Variants in PRKG1 observed in about 807,000 individuals in gnomAD.
PRKG1 encodes the protein protein kinase cGMP-dependent 1, also known as cGMP-dependent protein kinase 1.
A neutral mutation model predicts 88.1 loss-of-function variants in PRKG1; 35 were observed. The ratio of observed to expected loss-of-function variants is 0.40; its 90% CI spans 0.30 to 0.53. The LOEUF is 0.53. Ranked by LOEUF, PRKG1 falls within the 20% of genes least tolerant of loss-of-function variation. The pLI is 0.59. For synonymous variants in PRKG1, 303 were observed against 292.5 expected, an observed-to-expected ratio of 1.04 and a Z score of -0.37; for missense variants, 540 against 839.8, an observed-to-expected ratio of 0.64 and a Z score of 4.41.
chr10:51,092,963 C>T (rs1844434428), intron 1 of PRKG1, among the ~76,000 whole-genome samples: 1 of 152,098 alleles, frequency 6.6e-6, no homozygotes, highest in African/African-American at 2.4e-5. Flanking sequence ...CCTATGTATA[C>T]ACATAAACAA....
intron 9 of PRKG1, among the ~76,000 whole-genome samples, chr10:52,220,965 G>A (rs2132824023): frequency 6.6e-6 from 1 of 152,008 alleles, no homozygotes; most frequent in Admixed American, 6.6e-5. Flanking sequence ...AGGTGTTTGA[G>A]GAATCACCAC....
At chr10:51,266,998 A>T (rs1210544703) in intron 2 of PRKG1, among the ~76,000 whole-genome samples, 1 of 152,206 alleles carries the variant, frequency 6.6e-6, no homozygotes, top group Admixed American at 6.6e-5. Context: ...TGAGCTAAAA[A>T]CTGATATGGA....
At chr10:52,037,487 G>A (rs1181289240) in intron 5 of PRKG1, among the ~76,000 whole-genome samples, 5 of 152,250 alleles carry the variant, frequency 3.3e-5, no homozygotes, top group Admixed American at 6.5e-5. Flanking sequence ...AGAATAAGAC[G>A]GCCTTTTGAC....
chr10:51,222,122 G>GCCCCCCCCCCCCCCCCCACC (rs747668688), intron 2 of PRKG1, among the ~76,000 whole-genome samples: 1 of 114,416 alleles, frequency 8.7e-6, no homozygotes, highest in African/African-American at 4.8e-5. Context: ...CGTGATCCGC[G>GCCCCCCCCCCCCCCCCCACC]CCCCCCCCCG....
intron 5 of PRKG1, among the ~76,000 whole-genome samples, chr10:51,990,851 A>C (rs1264069276): frequency 6.8e-6 from 1 of 146,266 alleles, no homozygotes; most frequent in Admixed American, 6.9e-5. Context: ...TTTGCAAGGC[A>C]TGATGGTCTC....
At chr10:52,038,194 A>G (rs936318515) in intron 5 of PRKG1, among the ~76,000 whole-genome samples, 9 of 152,010 alleles carry the variant, frequency 5.9e-5, no homozygotes, top group African/African-American at 1.7e-4. Flanking sequence ...GTTTTTGAGA[A>G]CACAGGCCAA....
chr10:51,061,060 G>GGTGTGTGTGT (rs71029344), intron 1 of PRKG1, among the ~76,000 whole-genome samples: 5,891 of 146,974 alleles, frequency 0.04, 141 homozygotes, highest in Non-Finnish European at 0.045. Context: ...TATACCTAGG[G>GGTGTGTGTGT]GTGTGTGTGT....
intron 12 of PRKG1, among the ~76,000 whole-genome samples, chr10:52,272,735 T>C (rs182872559): frequency 4.9e-4 from 75 of 152,082 alleles, no homozygotes; most frequent in South Asian, 8.3e-4. Context: ...AATATATACA[T>C]GGCCTTAGTT....
chr10:51,636,137 T>A (rs559215006), intron 3 of PRKG1, among the ~76,000 whole-genome samples: 2 of 152,210 alleles, frequency 1.3e-5, no homozygotes, highest in Non-Finnish European at 2.9e-5. Context: ...CTTTAAGTTT[T>A]TTTTAGAAGT....
Position 52,157,029 on chromosome 10 carries a change from T to C in PRKG1, c.1002-4860T>C, listed in dbSNP as rs1430000218. Among the ~76,000 whole-genome samples the C allele has an allele frequency of 2.0e-5, 3 of 151,686 alleles. No individual in the cohort carries two copies. The East Asian group carries it at 5.8e-4, about 29-fold the overall frequency. On this transcript the variant is annotated intron_variant, in intron 8 of 17. Transcript: ENST00000373980. Reference sequence around the variant, plus strand: ...TTTACCTTTTACACTTTTTGACTTATAACATTTCACTATTAAATGTAAAAA... The same window carrying C: ...TTTACCTTTTACACTTTTTGACTTACAACATTTCACTATTAAATGTAAAAA...
intron 8 of PRKG1, among the ~76,000 whole-genome samples, chr10:52,158,797 A>G (rs973815366): frequency 6.6e-6 from 1 of 151,494 alleles, no homozygotes; most frequent in African/African-American, 2.4e-5. Flanking sequence ...TCCAAATGCC[A>G]AGATTATAGT....
Position 51,737,741 on chromosome 10 carries a change from A to T in PRKG1, c.593-66844A>T, listed in dbSNP as rs910813835. On this transcript the variant is annotated intron_variant, in intron 3 of 17. Coordinates refer to ENST00000373980, the MANE Select transcript of PRKG1 (RefSeq NM_006258.4). ...TATTTATTTATTTATTTATTTATTA[A>T]TTATTATTATTATTATTATTATTAT... Among the ~76,000 whole-genome samples the T allele has an allele frequency of 8.6e-4, 80 of 93,238 alleles. No homozygotes were observed. The East Asian group carries it at 0.011, about 13-fold the overall frequency. The allele number at this position is 93,238 out of a possible 152,430, so 61.2% of individuals were successfully genotyped here.
chr10:52,148,958 T>C lies in PRKG1; in HGVS notation c.1002-12931T>C, dbSNP rs1253128054. 1.0e-4 allele frequency among the ~76,000 whole-genome samples: 4 copies of C among 39,254 alleles called. No individual in the cohort carries two copies. In the South Asian group the frequency reaches 3.0e-3, roughly 29 times the overall value. 25.8% of individuals were successfully genotyped at this position (39,254 alleles called of 152,430 possible). A position where few individuals can be genotyped will look rare whatever the true frequency, so the allele number is the denominator to read the frequency against. Reference sequence around the variant, plus strand: ...ATTTGACCACAGAGGATAGTTTTGCTTTTTTTTTTTTTTTTTTTTTTTTTT... The same window carrying C: ...ATTTGACCACAGAGGATAGTTTTGCCTTTTTTTTTTTTTTTTTTTTTTTTT... On this transcript the variant is annotated intron_variant, in intron 8 of 17. Coordinates refer to ENST00000373980, the MANE Select transcript of PRKG1 (RefSeq NM_006258.4).
intron 3 of PRKG1, among the ~76,000 whole-genome samples, chr10:51,529,417 G>A (rs1841960322): frequency 6.6e-6 from 1 of 152,078 alleles, no homozygotes; most frequent in South Asian, 2.1e-4. Flanking sequence ...AGGCTCATAT[G>A]GAAATACACA....
At chr10:51,189,879 G>C (rs1004067000) in intron 2 of PRKG1, among the ~76,000 whole-genome samples, 1 of 151,818 alleles carries the variant, frequency 6.6e-6, no homozygotes, top group African/African-American at 2.4e-5. Context: ...ACTCTGTAAG[G>C]GTGGCCTACT....
At chr10:52,218,014 C>T (rs1279834773) in intron 9 of PRKG1, among the ~76,000 whole-genome samples, 1 of 151,898 alleles carries the variant, frequency 6.6e-6, no homozygotes, top group Non-Finnish European at 1.5e-5. Context: ...GAGTTCAAGA[C>T]CAGCCTGACC....
chr10:51,745,805 T>A (rs2132499917), intron 3 of PRKG1, among the ~76,000 whole-genome samples: 1 of 152,240 alleles, frequency 6.6e-6, no homozygotes, highest in Non-Finnish European at 1.5e-5. Flanking sequence ...GGTCAGGAGT[T>A]TGAGACCAGC....
At chr10:51,258,901 CT>C (rs1839632793) in intron 2 of PRKG1, among the ~76,000 whole-genome samples, 1 of 152,284 alleles carries the variant, frequency 6.6e-6, no homozygotes, top group East Asian at 1.9e-4. Context: ...GAGTGAGTCC[CT>C]TTAGTGCTAG....
intron 3 of PRKG1, among the ~76,000 whole-genome samples, chr10:51,577,236 T>C (rs1837911634): frequency 6.6e-6 from 1 of 151,968 alleles, no homozygotes; most frequent in Non-Finnish European, 1.5e-5. Context: ...TGTGTTAGCA[T>C]TGTACACTTG....
Sources: gnomAD v4.1 joint callset for allele counts (sites outside exome capture counted in the v4.1 genomes callset) on GRCh38, gnomAD v4.1.1 for gene constraint, MANE v1.5 for transcripts, NCBI Gene and HGNC (gene_info 2026-07-23, HGNC 2026-07-21) for gene names.